Variants in GLT1D1 observed in about 807,000 individuals in gnomAD.
The protein encoded by GLT1D1 is glycosyltransferase 1 domain containing 1.
A neutral mutation model predicts 28.7 loss-of-function variants in GLT1D1; 21 were observed. That is an observed-to-expected ratio of 0.73 (90% CI 0.52 to 1.05). GLT1D1 has a LOEUF of 1.05. Ranked by LOEUF, GLT1D1 falls within the 50% of genes least tolerant of loss-of-function variation. GLT1D1 has a pLI of 0.00. For synonymous variants in GLT1D1, 147 were observed against 124.8 expected, an observed-to-expected ratio of 1.18 and a Z score of -1.19; for missense variants, 343 against 330.6, an observed-to-expected ratio of 1.04 and a Z score of -0.29.
At chr12:128,945,459 C>A in intron 5 of GLT1D1, 90 bp downstream of exon 9, 1 of 1,050,540 alleles carries the variant, frequency 9.5e-7, no homozygotes, top group Non-Finnish European at 1.5e-6. Flanking sequence ...CAGTCCCAGG[C>A]ACTATTCCAA....
intron 2 of GLT1D1, 55 bp downstream of exon 2, chr12:128,876,117 G>A: frequency 6.7e-7 from 1 of 1,499,534 alleles, no homozygotes; most frequent in Non-Finnish European, 9.1e-7. Flanking sequence ...AACCGGAAGT[G>A]CCTGTAATGT....
chr12:128,960,246 G>A (rs1385767223), intron 7 of GLT1D1, among the ~76,000 whole-genome samples: 7 of 152,184 alleles, frequency 4.6e-5, no homozygotes, highest in East Asian at 1.9e-4. Flanking sequence ...CTTAACACAC[G>A]TTGAAAGAGT....
chr12:128,967,357 A>T (rs929129921), intron 7 of GLT1D1, among the ~76,000 whole-genome samples: 2 of 152,222 alleles, frequency 1.3e-5, no homozygotes, highest in African/African-American at 4.8e-5. Flanking sequence ...CCAAACTTTC[A>T]TTCAGGCAGG....
At chr12:128,931,902 T>TGCACACGCAC (rs1459189602) in intron 4 of GLT1D1, among the ~76,000 whole-genome samples, 2 of 90,296 alleles carry the variant, frequency 2.2e-5, no homozygotes, top group African/African-American at 4.9e-5. Flanking sequence ...TGAGGATATG[T>TGCACACGCAC]GCACACACAC....
chr12:128,903,726 A>T (rs887773621), intron 4 of GLT1D1, among the ~76,000 whole-genome samples: 1 of 151,274 alleles, frequency 6.6e-6, no homozygotes, highest in African/African-American at 2.4e-5. Context: ...TGGTTTTTTT[A>T]AATATTTTTA....
At chr12:128,961,956 C>T (rs1224502648) in intron 7 of GLT1D1, among the ~76,000 whole-genome samples, 5 of 152,200 alleles carry the variant, frequency 3.3e-5, no homozygotes, top group East Asian at 3.9e-4. Flanking sequence ...TCTGGTAACC[C>T]GAACTCTGTC....
At chr12:128,907,903 G>A (rs916573825) in intron 4 of GLT1D1, among the ~76,000 whole-genome samples, 3 of 152,106 alleles carry the variant, frequency 2.0e-5, no homozygotes, top group African/African-American at 7.2e-5. Flanking sequence ...GGAATCTTCT[G>A]AATAAAATGA....
rs1435440287 is a variant in GLT1D1, at chr12:128,983,273, C to G, written c.*183C>G. 1.7e-6 allele frequency: 1 copy of G among 586,286 alleles called. No individual in the cohort carries two copies. Among genetic ancestry groups the G allele is most frequent in the East Asian group, 2.8e-5 (1 of 35,288 alleles). The allele number at this position is 586,286 out of a possible 1,614,324, so 36.3% of individuals were successfully genotyped here. A position where few individuals can be genotyped will look rare whatever the true frequency, so the allele number is the denominator to read the frequency against. On this transcript the variant is annotated 3_prime_UTR_variant, in exon 8 of 8. Coordinates refer to ENST00000281703, the MANE Select transcript of GLT1D1 (RefSeq NM_144669.3). This position sits in a 1 kb window ranked among gnomAD's most constrained non-coding sequence, Gnocchi z 4.7. Reference sequence around the variant, plus strand: ...TTCATCCCATATCCTTCTGTGCGTTCAGATGCTGTCCCAGGCGTGTTCACC... The same window carrying G: ...TTCATCCCATATCCTTCTGTGCGTTGAGATGCTGTCCCAGGCGTGTTCACC...
intron 1 of GLT1D1, among the ~76,000 whole-genome samples, chr12:128,872,821 C>A (rs780369938): frequency 2.6e-5 from 4 of 152,162 alleles, no homozygotes; most frequent in Non-Finnish European, 4.4e-5. Context: ...TAAAAACTAT[C>A]CAACAATACA....
rs1872480306 is a variant in GLT1D1, at chr12:128,919,938, C to T, written c.375+20651C>T. Among the ~76,000 whole-genome samples, 6 of 143,334 alleles carry T rather than the reference C, an allele frequency of 4.2e-5. No individual in the cohort carries two copies. The Admixed American group carries it at 4.3e-4, about 10-fold the overall frequency. 94.0% of individuals were successfully genotyped at this position (143,334 alleles called of 152,430 possible). On this transcript the variant is annotated intron_variant, in intron 4 of 7. Transcript: ENST00000281703. ...TTTTATTGTATTTCTAGTTTTATTG[C>T]TTATTTCTCTCTCTCTCTCTCTCTC...
At chr12:128,922,785 T>C (rs1195069968) in intron 4 of GLT1D1, among the ~76,000 whole-genome samples, 2 of 152,032 alleles carry the variant, frequency 1.3e-5, no homozygotes, top group African/African-American at 2.4e-5. Flanking sequence ...GAGCCGGGCA[T>C]GATGGCCTGT....
intron 7 of GLT1D1, 84 bp downstream of exon 11, chr12:128,957,727 G>C (rs1422898351): frequency 1.1e-6 from 1 of 925,042 alleles, no homozygotes; most frequent in African/African-American, 1.6e-5. Flanking sequence ...CTTTCTGTTA[G>C]CGCTTAGTAT....
intron 3 of GLT1D1, among the ~76,000 whole-genome samples, chr12:128,896,575 CTTTTTTTTTTTT>C (rs60875245): frequency 2.9e-5 from 3 of 105,098 alleles, no homozygotes; most frequent in Non-Finnish European, 3.8e-5. Flanking sequence ...ATGACACATA[CTTTTTTTTTTTT>C]TTTTTTTTTT....
intron 3 of GLT1D1, among the ~76,000 whole-genome samples, chr12:128,897,061 C>T (rs1869731045): frequency 6.6e-6 from 1 of 152,274 alleles, no homozygotes; most frequent in Middle Eastern, 3.4e-3. Flanking sequence ...TCACCTTTGT[C>T]AACATTGGGC....
intron 2 of GLT1D1, among the ~76,000 whole-genome samples, chr12:128,878,454 A>G (rs1182913179): frequency 6.6e-6 from 1 of 152,232 alleles, no homozygotes. Flanking sequence ...ACATCATAGC[A>G]TACCAACTTG....
In GLT1D1 at chr12:128,918,819, G is replaced by A. The variant is rs146112862; in HGVS notation, c.375+19532G>A. Among the ~76,000 whole-genome samples the A allele has an allele frequency of 3.4e-4, 52 of 152,332 alleles. 1 individual carries two copies. In the East Asian group the frequency reaches 9.8e-3, roughly 29 times the overall value. On this transcript the variant is annotated intron_variant, in intron 4 of 7. Coordinates refer to ENST00000281703, the MANE Select transcript of GLT1D1 (RefSeq NM_144669.3). The stretch of plus-strand genomic sequence containing the variant: ...ATAATTTCCAGTAGGAGAATGATTT[G>A]TCATCACATTCCATAGTCTCAGGGT...
intron 3 of GLT1D1, among the ~76,000 whole-genome samples, chr12:128,892,311 G>A (rs1443183412): frequency 4.6e-5 from 7 of 152,022 alleles, no homozygotes; most frequent in South Asian, 4.1e-4. Flanking sequence ...ATGTGTGTGC[G>A]TGTGTGTGTT....
Position 128,983,081 on chromosome 12 carries a change from T to A in GLT1D1, c.792T>A (p.Thr264=), listed in dbSNP as rs777114679. The A allele has an allele frequency of 6.2e-7, 1 of 1,613,814 alleles. No individual in the cohort carries two copies. Among genetic ancestry groups the A allele is most frequent in the Admixed American group, 1.7e-5 (1 of 60,012 alleles). ...TCATCAGGAAGCTGGAAGGAAGCAC[T>A]GAAGATTGAGGGCCCCGCCTCATCA... Residue 264 remains threonine, a synonymous_variant, in exon 8 of 8, where the codon ACT becomes ACA. Coordinates refer to ENST00000281703, the MANE Select transcript of GLT1D1 (RefSeq NM_144669.3). The surrounding 1 kb of genome is among the most constrained non-coding windows in gnomAD (Gnocchi z 4.7).
intron 7 of GLT1D1, among the ~76,000 whole-genome samples, chr12:128,962,547 G>A (rs1393908427): frequency 3.3e-5 from 5 of 152,176 alleles, no homozygotes; most frequent in Non-Finnish European, 7.3e-5. Context: ...AGGGCACCCA[G>A]GTATGCAGGG....
Sources: gnomAD v4.1 joint callset for allele counts (sites outside exome capture counted in the v4.1 genomes callset) on GRCh38, gnomAD v4.1.1 for gene constraint, Gnocchi (gnomAD v3.1) non-coding constraint, MANE v1.5 for transcripts, NCBI Gene and HGNC (gene_info 2026-07-23, HGNC 2026-07-21) for gene names.